Variants in ANKRD30B observed in about 807,000 individuals in gnomAD.
ANKRD30B encodes ankyrin repeat domain-containing protein 30B.
Under a neutral mutation model 202.2 loss-of-function variants are expected in ANKRD30B, and 144 were observed. That is an observed-to-expected ratio of 0.71 (90% confidence interval 0.62 to 0.82). The LOEUF is 0.82. Ranked by LOEUF, ANKRD30B falls within the 40% of genes least tolerant of loss-of-function variation. The pLI, the probability that ANKRD30B is intolerant of heterozygous loss-of-function variation, is 0.00. For missense variants in ANKRD30B, 1,487 were observed against 1,669.1 expected, an observed-to-expected ratio of 0.89 and a Z score of 1.90; for synonymous variants, 508 against 561.3, an observed-to-expected ratio of 0.91 and a Z score of 1.34.
chr18:14,860,033 A>T, the ANKRD30B span, among the ~76,000 whole-genome samples: 169 of 98,426 alleles, frequency 1.7e-3, no homozygotes, highest in African/African-American at 6.5e-3. Context: ...GCTCCTCACA[A>T]CCCAGACAGG....
the ANKRD30B span, among the ~76,000 whole-genome samples, chr18:14,884,807 C>G: frequency 6.6e-6 from 1 of 152,030 alleles, no homozygotes; most frequent in African/African-American, 2.4e-5. Context: ...CTTTTCAACT[C>G]AAGAGAAAGT....
At chr18:14,873,378 A>T in the ANKRD30B span, among the ~76,000 whole-genome samples, 1 of 151,996 alleles carries the variant, frequency 6.6e-6, no homozygotes, top group East Asian at 1.9e-4. Flanking sequence ...ACAAAAAATT[A>T]GCTGGGCCTG....
the ANKRD30B span, among the ~76,000 whole-genome samples, chr18:14,909,309 G>A: frequency 1.3e-5 from 2 of 152,176 alleles, no homozygotes; most frequent in African/African-American, 2.4e-5. Flanking sequence ...GGGGAAGGCA[G>A]TGACAATGAG....
At chr18:14,833,695 TAAC>T (rs908424370) in intron 34 of ANKRD30B, among the ~76,000 whole-genome samples, 1 of 152,194 alleles carries the variant, frequency 6.6e-6, no homozygotes, top group Non-Finnish European at 1.5e-5. Context: ...ATTAACAAAA[TAAC>T]AAATTGTAGT....
chr18:14,876,966 A>G, the ANKRD30B span, among the ~76,000 whole-genome samples: 1 of 152,164 alleles, frequency 6.6e-6, no homozygotes, highest in Non-Finnish European at 1.5e-5. Context: ...GGTTGCTTTC[A>G]GATCTATGGG....
At chr18:14,785,653 G>A (rs1231034295) in intron 14 of ANKRD30B, among the ~76,000 whole-genome samples, 1 of 152,132 alleles carries the variant, frequency 6.6e-6, no homozygotes, top group African/African-American at 2.4e-5. Flanking sequence ...TCTCTGAAAC[G>A]ATCCAGGGTA....
chr18:14,758,874 C>A (rs1231435508), intron 5 of ANKRD30B, among the ~76,000 whole-genome samples: 1 of 152,168 alleles, frequency 6.6e-6, no homozygotes, highest in Non-Finnish European at 1.5e-5. Flanking sequence ...ATTCCTGGCA[C>A]TTTATATCCC....
intron 28 of ANKRD30B, among the ~76,000 whole-genome samples, chr18:14,810,822 T>C (rs1263771505): frequency 6.6e-6 from 1 of 151,150 alleles, no homozygotes; most frequent in Non-Finnish European, 1.5e-5. Context: ...GTTTAAATCA[T>C]GTTACAACAG....
chr18:14,860,040 C>T, the ANKRD30B span, among the ~76,000 whole-genome samples: 2,046 of 123,210 alleles, frequency 0.017, 52 homozygotes, highest in African/African-American at 0.061. Context: ...ACAACCCAGA[C>T]AGGGTGGCCG....
the ANKRD30B span, among the ~76,000 whole-genome samples, chr18:14,932,634 G>A: frequency 6.6e-6 from 1 of 152,026 alleles, no homozygotes; most frequent in African/African-American, 2.4e-5. Flanking sequence ...CACCGCGCCG[G>A]CCTCCCCTAT....
intron 14 of ANKRD30B, among the ~76,000 whole-genome samples, chr18:14,785,256 T>C (rs1968009183): frequency 6.6e-6 from 1 of 152,234 alleles, no homozygotes; most frequent in Non-Finnish European, 1.5e-5. Context: ...ATATTTAATA[T>C]GTACAATTTT....
At chr18:14,908,115 A>C in the ANKRD30B span, among the ~76,000 whole-genome samples, 2 of 152,228 alleles carry the variant, frequency 1.3e-5, no homozygotes, top group Non-Finnish European at 2.9e-5. Context: ...TTGGCAAGAC[A>C]GGTTAATGGG....
chr18:14,853,162 T>C (rs1413589564), intron 42 of ANKRD30B, among the ~76,000 whole-genome samples: 1 of 151,984 alleles, frequency 6.6e-6, no homozygotes, highest in Non-Finnish European at 1.5e-5. Context: ...ATAATTTCTA[T>C]TTCAAGGCTC....
At chr18:14,932,209 G>T in the ANKRD30B span, among the ~76,000 whole-genome samples, 1 of 151,694 alleles carries the variant, frequency 6.6e-6, no homozygotes, top group Non-Finnish European at 1.5e-5. Flanking sequence ...GGGAGGTGGG[G>T]TGGGGGGCTC....
the ANKRD30B span, among the ~76,000 whole-genome samples, chr18:14,860,443 C>G: frequency 8.2e-6 from 1 of 121,272 alleles, no homozygotes; most frequent in South Asian, 3.1e-4. Context: ...AAGAGGCACT[C>G]CTCACCTCCC....
chr18:14,852,833 T>A (rs1440286730), intron 42 of ANKRD30B: 1 of 153,274 alleles, frequency 6.5e-6, no homozygotes, highest in Non-Finnish European at 1.5e-5. Context: ...AATTCTAAAT[T>A]TTCCAGAGGA....
chr18:14,915,966 T>C, the ANKRD30B span, among the ~76,000 whole-genome samples: 3 of 152,218 alleles, frequency 2.0e-5, no homozygotes, highest in African/African-American at 7.2e-5. Context: ...ACTTAAAGTT[T>C]TTGGAAGAAC....
Position 14,763,952 on chromosome 18 carries a change from T to C in ANKRD30B, c.1087T>C (p.Trp363Arg). 5 of 1,609,104 alleles carry C rather than the reference T, an allele frequency of 3.1e-6. No homozygotes were observed. In the African/African-American group the frequency reaches 6.7e-5, roughly 22 times the overall value. Residue 363 changes from tryptophan (W) to arginine (R), a missense_variant, in exon 7 of 44, where the codon TGG becomes CGG. By Grantham distance (101) the Trp-to-Arg change is moderately radical. Around this residue, in one of 6 missense-constraint regions of ANKRD30B, gnomAD observed 889 missense variants for 841.4 expected, o/e 1.06. Transcript: ENST00000690538. Reference protein sequence around the residue: ...PAKERSRKITWEEKETSVKTE... With the variant: ...PAKERSRKITREEKETSVKTE... Reference sequence around the variant, plus strand: ...AAAAGAAAGATCTAGGAAGATCACATGGGAGGAAAAAGAAACATCTGTAAA... The same window carrying C: ...AAAAGAAAGATCTAGGAAGATCACACGGGAGGAAAAAGAAACATCTGTAAA...
intron 34 of ANKRD30B, among the ~76,000 whole-genome samples, chr18:14,835,907 A>T (rs1170100585): frequency 6.6e-6 from 1 of 152,022 alleles, no homozygotes; most frequent in African/African-American, 2.4e-5. Context: ...TTTAGAATTA[A>T]ATGTTTTCAT....
Sources: allele counts gnomAD v4.1 joint callset (sites outside exome capture counted in the v4.1 genomes callset), GRCh38; gene constraint gnomAD v4.1.1; regional missense constraint gnomAD v4.1.1; transcripts MANE v1.5; gene names NCBI Gene and HGNC (gene_info 2026-07-23, HGNC 2026-07-21).